Variants in RPS19 observed in about 807,000 individuals in gnomAD.
The protein encoded by RPS19 is small ribosomal subunit protein eS19.
RPS19 carries 1 observed loss-of-function variant against 20.3 expected under a neutral mutation model. The observed-to-expected ratio is 0.05, with a 90% confidence interval of 0.02 to 0.23. The LOEUF is 0.23. Among genes scored for constraint, RPS19 ranks in the 10% least tolerant of loss-of-function variants. The pLI, the probability that RPS19 is intolerant of heterozygous loss-of-function variation, is 1.00. For missense variants in RPS19, 111 were observed against 192.7 expected, an observed-to-expected ratio of 0.58 and a Z score of 2.51; for synonymous variants, 87 against 74.8, an observed-to-expected ratio of 1.16 and a Z score of -0.84.
At chr19:41,866,637 G>A (rs1555840702) in intron 3 of RPS19, among the ~76,000 whole-genome samples, 1 of 152,206 alleles carries the variant, frequency 6.6e-6, no homozygotes, top group Non-Finnish European at 1.5e-5. Flanking sequence ...GAGCATGGTT[G>A]TATAGTATCA....
At chr19:41,861,045 G>A (rs2074025254) in intron 2 of RPS19, 67 bp from the exon 3 acceptor site, 1 of 1,250,580 alleles carries the variant, frequency 8.0e-7, no homozygotes, top group Non-Finnish European at 1.2e-6. Context: ...TGAGGGGAGG[G>A]CATTTGGGAT....
rs2074140498 is a variant in RPS19, at chr19:41,870,848, CCTTTTTTTTTT to C, written c.412-502_412-492del. ...TTGGACTCCACTCCGCCACTCCCTT[CCTTTTTTTTTT>C]TTTTTTTTTTTTTTTTTTTTTGAGA... On this transcript the variant is annotated intron_variant, in intron 5 of 5. Transcript: ENST00000598742. Among the ~76,000 whole-genome samples the C allele has an allele frequency of 2.3e-5, 2 of 85,810 alleles. 1 individual carries two copies. The highest frequency in any genetic ancestry group is 8.0e-4 in the East Asian group (2 of 2,494). 56.3% of individuals were successfully genotyped at this position (85,810 alleles called of 152,430 possible). A position where few individuals can be genotyped will look rare whatever the true frequency, so the allele number is the denominator to read the frequency against.
chr19:41,865,070 T>G (rs1457602440), intron 3 of RPS19, among the ~76,000 whole-genome samples: 1 of 152,156 alleles, frequency 6.6e-6, no homozygotes. Context: ...CCAAAAGGTT[T>G]TTATACAGCC....
At chr19:41,869,895 A>T in intron 5 of RPS19, 142 bp downstream of exon 5, 1 of 795,340 alleles carries the variant, frequency 1.3e-6, no homozygotes, top group Non-Finnish European at 2.1e-6. Flanking sequence ...AGGGCTGCCC[A>T]GAGACAGGAG....
intron 3 of RPS19, among the ~76,000 whole-genome samples, chr19:41,865,303 T>A (rs1303211974): frequency 6.6e-6 from 1 of 150,994 alleles, no homozygotes; most frequent in Non-Finnish European, 1.5e-5. Flanking sequence ...AGGCAGAGGT[T>A]GCAGTGAGTC....
intron 5 of RPS19, 68 bp from the exon 6 acceptor site, chr19:41,871,283 T>G: frequency 7.1e-7 from 1 of 1,407,584 alleles, no homozygotes; most frequent in Non-Finnish European, 1.0e-6. Flanking sequence ...GGTAGTTAGG[T>G]AGCTGTTACA....
intron 3 of RPS19, among the ~76,000 whole-genome samples, chr19:41,867,326 CAG>C (rs560370791): frequency 1.8e-3 from 270 of 151,862 alleles, no homozygotes; most frequent in African/African-American, 6.2e-3. Flanking sequence ...ACTTTTGAGA[CAG>C]AGTCTCACTC....
Position 41,869,768 on chromosome 19 carries a change from T to C in RPS19, c.411+15T>C. Reference sequence around the variant, plus strand: ...TCGCCGGACAGGTAAGGCCTGCGTTTGGGGTGGGGCTGGGTCCCTTAGTCG... The same window carrying C: ...TCGCCGGACAGGTAAGGCCTGCGTTCGGGGTGGGGCTGGGTCCCTTAGTCG... On this transcript the variant is annotated intron_variant, in intron 5 of 5. Transcript: ENST00000598742. The C allele has an allele frequency of 6.2e-7, 1 of 1,613,812 alleles. No homozygotes were observed. Among genetic ancestry groups the C allele is most frequent in the East Asian group, 2.2e-5 (1 of 44,872 alleles).
At chr19:41,866,143 C>T (rs1555840443) in intron 3 of RPS19, among the ~76,000 whole-genome samples, 2 of 151,740 alleles carry the variant, frequency 1.3e-5, no homozygotes, top group Non-Finnish European at 2.9e-5. Flanking sequence ...GTCCCAGCTA[C>T]TCGGGAGGCT....
At chr19:41,865,004 G>A (rs782534283) in intron 3 of RPS19, 11 of 152,168 alleles carry the variant, frequency 7.2e-5, no homozygotes, top group Non-Finnish European at 1.3e-4. Flanking sequence ...AAAATAATTA[G>A]CATGAACTGG....
At chr19:41,870,874 T>TTTTTTTTTTTTTTTTTTTTTGTTTTG (rs2074142154) in intron 5 of RPS19, among the ~76,000 whole-genome samples, 1 of 135,658 alleles carries the variant, frequency 7.4e-6, no homozygotes, top group African/African-American at 2.9e-5. Context: ...TTTTTTTTTT[T>TTTTTTTTTTTTTTTTTTTTTGTTTTG]TTTTTTGAGA....
intron 3 of RPS19, among the ~76,000 whole-genome samples, chr19:41,866,122 G>A (rs1271216356): frequency 9.2e-5 from 14 of 151,614 alleles, no homozygotes; most frequent in Non-Finnish European, 1.3e-4. Flanking sequence ...GTGTGGTGGC[G>A]TGTGCCTGTA....
chr19:41,869,785 C>T lies in RPS19; in HGVS notation c.411+32C>T, dbSNP rs1555841607. The T allele has an allele frequency of 6.8e-6, 11 of 1,606,844 alleles. No individual in the cohort carries two copies. The Admixed American group carries it at 1.5e-4, about 22-fold the overall frequency. On this transcript the variant is annotated intron_variant, in intron 5 of 5. Transcript: ENST00000598742. ...CCTGCGTTTGGGGTGGGGCTGGGTC[C>T]CTTAGTCGCTGCCCAAGCATTTCCA...
intron 3 of RPS19, among the ~76,000 whole-genome samples, chr19:41,865,666 A>G (rs981615727): frequency 3.3e-5 from 5 of 152,048 alleles, no homozygotes; most frequent in African/African-American, 1.2e-4. Flanking sequence ...AAGATAACAG[A>G]GGCCCGGCGC....
At chr19:41,866,721 A>G (rs1450097314) in intron 3 of RPS19, among the ~76,000 whole-genome samples, 3 of 152,184 alleles carry the variant, frequency 2.0e-5, no homozygotes, top group Non-Finnish European at 4.4e-5. Flanking sequence ...AAATGGTGTA[A>G]TATCGGGGCC....
chr19:41,861,998 C>A (rs994100269), intron 3 of RPS19, among the ~76,000 whole-genome samples: 2 of 151,770 alleles, frequency 1.3e-5, no homozygotes, highest in Non-Finnish European at 1.5e-5. Flanking sequence ...GTGGCAGTGC[C>A]GTGTTATGTC....
intron 3 of RPS19, chr19:41,864,333 G>A (rs549078293): frequency 6.6e-6 from 1 of 152,348 alleles, no homozygotes; most frequent in South Asian, 2.1e-4. Context: ...TGCTATGATA[G>A]TAGAAAGAAT....
intron 2 of RPS19, 36 bp from the exon 3 acceptor site, chr19:41,861,076 G>T: frequency 6.6e-7 from 1 of 1,525,178 alleles, no homozygotes; most frequent in South Asian, 1.1e-5. Flanking sequence ...TTGTGGAGAT[G>T]ACTGAATCGT....
At chr19:41,865,467 A>G (rs1405789701) in intron 3 of RPS19, among the ~76,000 whole-genome samples, 1 of 152,032 alleles carries the variant, frequency 6.6e-6, no homozygotes, top group Admixed American at 6.6e-5. Flanking sequence ...CCGCAGCACA[A>G]ACCACCTGGA....
Sources: gnomAD v4.1 joint callset for allele counts (sites outside exome capture counted in the v4.1 genomes callset) on GRCh38, gnomAD v4.1.1 for gene constraint, MANE v1.5 for transcripts, NCBI Gene and HGNC (gene_info 2026-07-23, HGNC 2026-07-21) for gene names.